TMEM117: variants seen among roughly 807,000 people sequenced by gnomAD.
TMEM117 encodes the protein transmembrane protein 117.
A neutral mutation model predicts 52.4 loss-of-function variants in TMEM117; 27 were observed. The observed-to-expected ratio is 0.51, with a 90% CI of 0.38 to 0.71. The LOEUF (loss-of-function observed/expected upper bound fraction) is 0.71. TMEM117 is among the 30% of genes least tolerant of loss of function. The pLI, the probability that TMEM117 is intolerant of heterozygous loss-of-function variation, is 0.00. For synonymous variants in TMEM117, 215 were observed against 206.3 expected (o/e 1.04, Z -0.36); for missense variants, 556 against 630.5 (o/e 0.88, Z 1.26).
intron 2 of TMEM117, among the ~76,000 whole-genome samples, chr12:43,884,877 C>T (rs1380514284): frequency 6.6e-6 from 1 of 152,154 alleles, no homozygotes; most frequent in Non-Finnish European, 1.5e-5. Context: ...GCACAAAGCT[C>T]TCTTCAGCAC....
intron 6 of TMEM117, among the ~76,000 whole-genome samples, chr12:44,307,760 A>T (rs189769337): frequency 6.6e-6 from 1 of 152,232 alleles, no homozygotes; most frequent in African/African-American, 2.4e-5. Flanking sequence ...TTGTCCATAC[A>T]GAAGGAAGGA....
chr12:43,836,573 A>G (rs1186854171), intron 1 of TMEM117, among the ~76,000 whole-genome samples: 1 of 152,020 alleles, frequency 6.6e-6, no homozygotes, highest in Non-Finnish European at 1.5e-5. Flanking sequence ...AGCGATTCCT[A>G]GCCTAGGAAC....
chr12:44,233,439 G>T (rs990275254), intron 5 of TMEM117, among the ~76,000 whole-genome samples: 3 of 150,918 alleles, frequency 2.0e-5, no homozygotes, highest in Non-Finnish European at 4.5e-5. Flanking sequence ...CAAGTACACA[G>T]AATTAGATTA....
chr12:43,853,918 C>A (rs1331619183), intron 2 of TMEM117, among the ~76,000 whole-genome samples: 1 of 152,162 alleles, frequency 6.6e-6, no homozygotes, highest in East Asian at 1.9e-4. Context: ...GATTTCAGGT[C>A]ATGGGGTAGA....
chr12:43,917,972 T>C (rs1256256671), intron 2 of TMEM117, among the ~76,000 whole-genome samples: 1 of 152,204 alleles, frequency 6.6e-6, no homozygotes, highest in Non-Finnish European at 1.5e-5. Context: ...TCATCTTTAC[T>C]AGTTTGTTAG....
intron 5 of TMEM117, among the ~76,000 whole-genome samples, chr12:44,276,713 G>A (rs975374767): frequency 3.3e-5 from 5 of 152,000 alleles, no homozygotes; most frequent in African/African-American, 1.2e-4. Context: ...GCATTGTATT[G>A]TATACATATA....
intron 1 of TMEM117, 51 bp downstream of exon 1, chr12:43,836,247 A>C (rs1046999945): frequency 6.6e-6 from 1 of 152,274 alleles, no homozygotes; most frequent in African/African-American, 2.4e-5. Flanking sequence ...CGTTCGGTCC[A>C]GCCGCAGCGG....
Position 43,846,494 on chromosome 12 carries a change from A to G in TMEM117, c.277+1566A>G, listed in dbSNP as rs115053063. Reference sequence around the variant, plus strand: ...CTCAGGGTTTGGTTCCCACCTCTGAACTAACCGATTTTTGCCTAGAGGTAG... The same window carrying G: ...CTCAGGGTTTGGTTCCCACCTCTGAGCTAACCGATTTTTGCCTAGAGGTAG... On this transcript the variant is annotated intron_variant, in intron 2 of 7. Coordinates refer to ENST00000266534, the MANE Select transcript of TMEM117 (RefSeq NM_032256.3). 7.6e-3 allele frequency among the ~76,000 whole-genome samples: 1,160 copies of G among 152,270 alleles called. 24 individuals carry two copies. Among genetic ancestry groups the G allele is most frequent in the African/African-American group, 0.026 (1,084 of 41,546 alleles).
chr12:43,834,935 G>A (rs1424639291), upstream of TMEM117, among the ~76,000 whole-genome samples: 1 of 152,062 alleles, frequency 6.6e-6, no homozygotes, highest in Non-Finnish European at 1.5e-5. Flanking sequence ...CTTAAAATCC[G>A]CGGACATCTC....
intron 4 of TMEM117, among the ~76,000 whole-genome samples, chr12:44,177,855 C>A (rs888469610): frequency 1.3e-5 from 2 of 152,166 alleles, no homozygotes; most frequent in Non-Finnish European, 2.9e-5. Flanking sequence ...AGGAAAGCCC[C>A]TTCCAGCTCT....
chr12:43,804,958 C>T, the TMEM117 span, among the ~76,000 whole-genome samples: 1 of 152,310 alleles, frequency 6.6e-6, no homozygotes, highest in East Asian at 1.9e-4. Context: ...TTATGACAGA[C>T]ACTCCTTCAT....
At chr12:43,832,699 T>C (rs1248383054), upstream of TMEM117, among the ~76,000 whole-genome samples, 1 of 152,136 alleles carries the variant, frequency 6.6e-6, no homozygotes, top group Non-Finnish European at 1.5e-5. Context: ...TTATGTAAGA[T>C]GAGAGGTTAA....
intron 2 of TMEM117, among the ~76,000 whole-genome samples, chr12:43,882,011 G>T (rs1943905424): frequency 6.6e-6 from 1 of 151,870 alleles, no homozygotes; most frequent in Non-Finnish European, 1.5e-5. Flanking sequence ...GGCGGAGCTT[G>T]CAGTGAGCCC....
intron 3 of TMEM117, among the ~76,000 whole-genome samples, chr12:44,091,878 A>G (rs1046342193): frequency 6.6e-6 from 1 of 152,210 alleles, no homozygotes; most frequent in African/African-American, 2.4e-5. Flanking sequence ...ATAGGTTTTT[A>G]TTCATGCTGT....
intron 3 of TMEM117, among the ~76,000 whole-genome samples, chr12:44,020,921 A>G (rs2137833404): frequency 6.6e-6 from 1 of 152,324 alleles, no homozygotes; most frequent in African/African-American, 2.4e-5. Context: ...GTTTGATGAT[A>G]ATAACTATAG....
intron 2 of TMEM117, among the ~76,000 whole-genome samples, chr12:43,899,672 C>G (rs1944272640): frequency 6.6e-6 from 1 of 152,018 alleles, no homozygotes; most frequent in Admixed American, 6.6e-5. Flanking sequence ...AAGTTACTAA[C>G]TTTTAGCAAT....
chr12:44,293,156 C>T (rs75292049), intron 5 of TMEM117, among the ~76,000 whole-genome samples: 7,132 of 151,774 alleles, frequency 0.047, 343 homozygotes, highest in African/African-American at 0.12. Context: ...TATATTGACA[C>T]TTGTTATTAT....
chr12:43,839,341 G>A (rs530652896), intron 1 of TMEM117, among the ~76,000 whole-genome samples: 1 of 152,174 alleles, frequency 6.6e-6, no homozygotes, highest in East Asian at 1.9e-4. Flanking sequence ...GGGCTTCAAG[G>A]CCTGCTCATG....
At chr12:44,346,579 A>G (rs948860174) in intron 6 of TMEM117, among the ~76,000 whole-genome samples, 1 of 152,114 alleles carries the variant, frequency 6.6e-6, no homozygotes, top group Non-Finnish European at 1.5e-5. Context: ...AGACTCTTGC[A>G]CATACTGTGC....
Sources: allele counts gnomAD v4.1 joint callset (sites outside exome capture counted in the v4.1 genomes callset), GRCh38; gene constraint gnomAD v4.1.1; transcripts MANE v1.5; gene names NCBI Gene and HGNC (gene_info 2026-07-23, HGNC 2026-07-21).